Variants in TNIP3 observed in about 807,000 individuals in gnomAD.
TNIP3 encodes the protein TNFAIP3 interacting protein 3.
In TNIP3, 34 loss-of-function variants were observed where a neutral mutation model predicts 54.1. That is an observed-to-expected ratio of 0.63 (90% confidence interval 0.48 to 0.84). The LOEUF (loss-of-function observed/expected upper bound fraction) is 0.84, where lower values mean the gene tolerates loss of function less well. Among genes scored for constraint, TNIP3 ranks in the 40% least tolerant of loss-of-function variants. TNIP3 has a pLI of 0.00. For missense variants in TNIP3, 366 were observed against 387.6 expected (o/e 0.94, Z 0.47); for synonymous variants, 134 against 136.8 (o/e 0.98, Z 0.14).
chr4:121,138,705 T>G (rs768615358), intron 9 of TNIP3, 21 bp from the exon 10 acceptor site: 1 of 1,607,098 alleles, frequency 6.2e-7, no homozygotes, highest in African/African-American at 1.3e-5. Flanking sequence ...CAATACAACA[T>G]TATTATAGCA....
chr4:121,134,332 A>T (rs1381398055), intron 10 of TNIP3, among the ~76,000 whole-genome samples: 1 of 152,244 alleles, frequency 6.6e-6, no homozygotes, highest in Admixed American at 6.5e-5. Flanking sequence ...ACATTTCAGA[A>T]AGGAAGAAAC....
At chr4:121,189,862 C>T (rs544233879) in intron 2 of TNIP3, among the ~76,000 whole-genome samples, 1 of 152,262 alleles carries the variant, frequency 6.6e-6, no homozygotes, top group East Asian at 1.9e-4. Flanking sequence ...TGGCTAGCTC[C>T]CTGTTTATTT....
At chr4:121,159,059 A>T (rs1183560420) in intron 2 of TNIP3, among the ~76,000 whole-genome samples, 1 of 152,168 alleles carries the variant, frequency 6.6e-6, no homozygotes. Flanking sequence ...CCTGCCCAAC[A>T]TGGTGACATC....
upstream of TNIP3, among the ~76,000 whole-genome samples, chr4:121,220,320 C>T (rs746720689): frequency 5.1e-4 from 78 of 152,236 alleles, no homozygotes; most frequent in Middle Eastern, 6.8e-3. Flanking sequence ...CATTGCTAGG[C>T]TCTGTTTTCT....
At chr4:121,194,623 A>G (rs1027972929) in intron 2 of TNIP3, among the ~76,000 whole-genome samples, 3 of 152,216 alleles carry the variant, frequency 2.0e-5, no homozygotes, top group Non-Finnish European at 4.4e-5. Flanking sequence ...ATTCTAGAAA[A>G]TGAAATGAAA....
At chr4:121,217,225 G>T (rs536941713), upstream of TNIP3, among the ~76,000 whole-genome samples, 4 of 152,226 alleles carry the variant, frequency 2.6e-5, no homozygotes, top group East Asian at 7.7e-4. Context: ...GCCAATTCCT[G>T]CAGGCAATTA....
chr4:121,187,076 T>C (rs1168691477), intron 2 of TNIP3, among the ~76,000 whole-genome samples: 17 of 152,204 alleles, frequency 1.1e-4, no homozygotes, highest in Non-Finnish European at 1.8e-4. Flanking sequence ...ATTCTGACAA[T>C]TGAGAGGCAG....
chr4:121,212,970 C>A (rs2148848089), intron 2 of TNIP3, among the ~76,000 whole-genome samples: 1 of 152,264 alleles, frequency 6.6e-6, no homozygotes, highest in South Asian at 2.1e-4. Flanking sequence ...CACTTCTCTT[C>A]CTTTTACGAG....
intron 3 of TNIP3, among the ~76,000 whole-genome samples, chr4:121,172,065 A>G (rs1207308366): frequency 3.9e-5 from 6 of 152,286 alleles, no homozygotes; most frequent in African/African-American, 1.2e-4. Flanking sequence ...CTCATCTGTC[A>G]TCTTCCAAAT....
Position 121,147,660 on chromosome 4 carries a change from C to T in TNIP3, c.610-486G>A, listed in dbSNP as rs192125939. ...ACAAAAACAGGTTTAATTATTGTTA[C>T]TGTTTTCAACTGACTTACTGTTGAC... is the stretch of plus-strand genomic sequence containing the variant. On this transcript the variant is annotated intron_variant, in intron 6 of 10. Transcript: ENST00000057513. 3.7e-3 allele frequency among the ~76,000 whole-genome samples: 561 copies of T among 152,264 alleles called. 1 individual carries two copies. Among genetic ancestry groups the T allele is most frequent in the Non-Finnish European group, 6.1e-3 (413 of 68,022 alleles).
At chr4:121,224,365 A>T (rs548037739) in intron 1 of TNIP3, among the ~76,000 whole-genome samples, 3,258 of 97,740 alleles carry the variant, frequency 0.033, 82 homozygotes, top group Admixed American at 0.046. Flanking sequence ...TCTGTCTCAA[A>T]AAATAAAAAG....
intron 2 of TNIP3, among the ~76,000 whole-genome samples, chr4:121,201,934 C>CCATGCT (rs1327969632): frequency 6.6e-6 from 1 of 152,008 alleles, no homozygotes; most frequent in Non-Finnish European, 1.5e-5. Flanking sequence ...GAAACATAGC[C>CCATGCT]CATGCTCGTG....
Position 121,216,561 on chromosome 4 carries a change from G to A in TNIP3, c.-19+25C>T, listed in dbSNP as rs1384005320. On this transcript the variant is annotated intron_variant, in intron 1 of 12. Coordinates refer to the TNIP3 transcript ENST00000507879. ...ATGTACGTCAAGGGAAGTTAACTAT[G>A]TCAGTCACCAAAGGAGAAAACCACC... The A allele has an allele frequency of 1.0e-5, 16 of 1,524,152 alleles. No individual in the cohort carries two copies. The African/African-American group carries it at 1.8e-4, about 17-fold the overall frequency. 94.4% of individuals were successfully genotyped at this position (1,524,152 alleles called of 1,614,324 possible).
intron 2 of TNIP3, among the ~76,000 whole-genome samples, chr4:121,183,544 G>C (rs1415198630): frequency 6.6e-6 from 1 of 152,164 alleles, no homozygotes; most frequent in Non-Finnish European, 1.5e-5. Flanking sequence ...GGCCTGTTAG[G>C]GCCACACAGC....
At chr4:121,205,199 T>C (rs1319712393) in intron 2 of TNIP3, among the ~76,000 whole-genome samples, 1 of 152,092 alleles carries the variant, frequency 6.6e-6, no homozygotes, top group Non-Finnish European at 1.5e-5. Context: ...TGGGACTTAT[T>C]GAAAGGTGAC....
At chr4:121,162,275 A>C (rs1356275963) in intron 1 of TNIP3, among the ~76,000 whole-genome samples, 3 of 152,128 alleles carry the variant, frequency 2.0e-5, no homozygotes, top group Admixed American at 2.0e-4. Flanking sequence ...ATGTTTCAGC[A>C]TTTTAGGGTT....
At chr4:121,139,098 A>G (rs922792803) in intron 9 of TNIP3, among the ~76,000 whole-genome samples, 1 of 152,200 alleles carries the variant, frequency 6.6e-6, no homozygotes, top group African/African-American at 2.4e-5. Context: ...AGTTTAATAC[A>G]AGTTTTCTAA....
upstream of TNIP3, among the ~76,000 whole-genome samples, chr4:121,217,576 A>ACCAAG (rs1294244129): frequency 6.6e-6 from 1 of 152,166 alleles, no homozygotes; most frequent in African/African-American, 2.4e-5. Context: ...GAGTTGGACC[A>ACCAAG]CCAACTAGTA....
At chr4:121,197,704 G>T (rs1162213138) in intron 2 of TNIP3, among the ~76,000 whole-genome samples, 4 of 151,928 alleles carry the variant, frequency 2.6e-5, no homozygotes, top group Non-Finnish European at 5.9e-5. Flanking sequence ...AAAAAACTGG[G>T]AATTACCCAA....
Sources: gnomAD v4.1 joint callset for allele counts (sites outside exome capture counted in the v4.1 genomes callset) on GRCh38, gnomAD v4.1.1 for gene constraint, MANE v1.5 for transcripts, NCBI Gene and HGNC (gene_info 2026-07-23, HGNC 2026-07-21) for gene names.